Variants in RAP1GAP2 observed in about 807,000 individuals in gnomAD.
RAP1GAP2 encodes RAP1 GTPase activating protein 2.
RAP1GAP2 carries 27 observed loss-of-function variants against 95.0 expected under a neutral mutation model. The observed-to-expected ratio is 0.28, with a 90% confidence interval of 0.21 to 0.39. The LOEUF (loss-of-function observed/expected upper bound fraction) is 0.39. RAP1GAP2 is among the 10% of genes least tolerant of loss of function. The pLI is 1.00. For missense variants in RAP1GAP2, 771 were observed against 970.0 expected (o/e 0.79, Z 2.72); for synonymous variants, 373 against 380.9 (o/e 0.98, Z 0.24).
rs201367299 is a variant in RAP1GAP2, at chr17:2,769,592, AAAAT to A, written c.51-733_51-730del. Among the ~76,000 whole-genome samples, 11 of 151,876 alleles carry A rather than the reference AAAAT, an allele frequency of 7.2e-5. No individual in the cohort carries two copies. In the East Asian group the frequency reaches 2.1e-3, roughly 29 times the overall value. On this transcript the variant is annotated intron_variant, in intron 1 of 25. Transcript: ENST00000637138. ...TAAAATGAAATAACATAAATAAAATAAAATAAAATAAAATAAAAAAGAAAAAATA... is the reference window on the plus strand; with the variant it reads ...TAAAATGAAATAACATAAATAAAATAAAAATAAAATAAAAAAGAAAAAATA...
intron 3 of RAP1GAP2, among the ~76,000 whole-genome samples, chr17:2,909,497 C>A (rs867476411): frequency 1.3e-5 from 2 of 152,082 alleles, no homozygotes; most frequent in East Asian, 3.9e-4. Flanking sequence ...GGGAGTGAGG[C>A]AGGGGTGCTC....
At chr17:2,972,168 G>A (rs1366590694) in intron 8 of RAP1GAP2, among the ~76,000 whole-genome samples, 1 of 152,166 alleles carries the variant, frequency 6.6e-6, no homozygotes, top group African/African-American at 2.4e-5. Context: ...GGTAACTGTG[G>A]AAGAAATTGA....
chr17:2,897,222 A>C (rs12103524), intron 2 of RAP1GAP2, among the ~76,000 whole-genome samples: 26,271 of 151,812 alleles, frequency 0.17, 4,547 homozygotes, highest in African/African-American at 0.45. Context: ...CCTGTAATCC[A>C]AGCTGCTTGG....
At position 2,960,139 on chromosome 17, in the gene RAP1GAP2, A is replaced by AAAAAC. The variant is rs1293694663; in HGVS notation, c.201+2347_201+2348insAACAA. On this transcript the variant is annotated intron_variant, in intron 4 of 24. Transcript: ENST00000254695. ...ACTCCATCTCAAAAAAAAAAAAAAA[A>AAAAAC]AACAACAAAAAAAGACAATACCTCT... Among the ~76,000 whole-genome samples, 30 of 151,488 alleles carry AAAAAC rather than the reference A, an allele frequency of 2.0e-4. No homozygotes were observed. The East Asian group carries it at 5.1e-3, about 26-fold the overall frequency.
rs909583493 is a variant in RAP1GAP2 at position 3,008,621 on chromosome 17, C to T, written c.1494+476C>T. 6.6e-6 allele frequency among the ~76,000 whole-genome samples: 1 copy of T among 152,156 alleles called. No homozygotes were observed. The highest frequency in any genetic ancestry group is 2.4e-5 in the African/African-American group (1 of 41,426). On this transcript the variant is annotated intron_variant, in intron 17 of 24. Coordinates refer to ENST00000254695, the MANE Select transcript of RAP1GAP2 (RefSeq NM_015085.5). This position sits in a 1 kb window ranked among gnomAD's most constrained non-coding sequence, Gnocchi z 4.2. Reference sequence around the variant, plus strand: ...TTGGAAGACCTGGCTGGGCAGGGGCCATGGAACTATAGGCAAGTCCCTTTG... The same window carrying T: ...TTGGAAGACCTGGCTGGGCAGGGGCTATGGAACTATAGGCAAGTCCCTTTG...
At chr17:2,994,798 T>C (rs1338289506) in intron 12 of RAP1GAP2, among the ~76,000 whole-genome samples, 2 of 152,014 alleles carry the variant, frequency 1.3e-5, no homozygotes, top group Non-Finnish European at 2.9e-5. Flanking sequence ...GAGATGGAGG[T>C]TCTGCTTTGT....
chr17:2,963,537 G>A lies in RAP1GAP2; in HGVS notation c.279+75G>A. ...CCGTCCCTGGGGAAATGATGGCGATGGCCTGTGCCCAGCCCCCCAGGGGAG... is the reference window on the plus strand; with the variant it reads ...CCGTCCCTGGGGAAATGATGGCGATAGCCTGTGCCCAGCCCCCCAGGGGAG... On this transcript the variant is annotated intron_variant, in intron 6 of 24. Coordinates refer to ENST00000254695, the MANE Select transcript of RAP1GAP2 (RefSeq NM_015085.5). The surrounding 1 kb of genome is among the most constrained non-coding windows in gnomAD (Gnocchi z 4.8). The A allele has an allele frequency of 6.3e-7, 1 of 1,588,048 alleles. No homozygotes were observed. The highest frequency in any genetic ancestry group is 8.6e-7 in the Non-Finnish European group (1 of 1,156,622).
At chr17:3,014,677 G>A (rs898197320) in intron 17 of RAP1GAP2, among the ~76,000 whole-genome samples, 3 of 151,910 alleles carry the variant, frequency 2.0e-5, no homozygotes, top group African/African-American at 7.3e-5. Context: ...AGCCTGCCGA[G>A]TAGCTGGGAT....
chr17:2,931,811 C>T (rs757369328), intron 3 of RAP1GAP2, among the ~76,000 whole-genome samples: 6 of 152,300 alleles, frequency 3.9e-5, no homozygotes, highest in South Asian at 2.1e-4. Context: ...AGGAGGCTGG[C>T]GCCTTGCTCA....
intron 17 of RAP1GAP2, among the ~76,000 whole-genome samples, chr17:3,017,394 G>C (rs1018181785): frequency 6.6e-6 from 1 of 151,992 alleles, no homozygotes; most frequent in African/African-American, 2.4e-5. Flanking sequence ...ACCAGGGGCC[G>C]TAACAAAGGC....
chr17:2,972,684 C>T lies in RAP1GAP2; in HGVS notation c.596+7041C>T, dbSNP rs889540189. Among the ~76,000 whole-genome samples the T allele has an allele frequency of 4.0e-5, 6 of 149,920 alleles. No individual in the cohort carries two copies. In the East Asian group the frequency reaches 7.8e-4, roughly 20 times the overall value. ...AAAGGGTAGGGGCCAATATTCCTTA[C>T]GAATGTAGAAATCAATGTTGTAAAT... On this transcript the variant is annotated intron_variant, in intron 8 of 24. Transcript: ENST00000254695.
intron 2 of RAP1GAP2, among the ~76,000 whole-genome samples, chr17:2,817,607 G>T (rs2070078243): frequency 8.6e-6 from 1 of 115,688 alleles, no homozygotes; most frequent in Admixed American, 8.4e-5. Context: ...TGCAACCTCC[G>T]CCTCCCTGGT....
rs535509541 is a variant in RAP1GAP2, at chr17:2,869,816, C to T, written c.81-35468C>T. On this transcript the variant is annotated intron_variant, in intron 2 of 24. Transcript: ENST00000254695. ...CTGCAGTCTTGGGCTCATGGCCAGCCGTCAGCCAGCACCCTGTGGCGCTCT... is the reference window on the plus strand; with the variant it reads ...CTGCAGTCTTGGGCTCATGGCCAGCTGTCAGCCAGCACCCTGTGGCGCTCT... Among the ~76,000 whole-genome samples, 133 of 152,322 alleles carry T rather than the reference C, an allele frequency of 8.7e-4. 1 individual carries two copies. Among genetic ancestry groups the T allele is most frequent in the African/African-American group, 2.9e-3 (122 of 41,576 alleles).
Position 2,846,298 on chromosome 17 carries a change from T to C in RAP1GAP2, c.80+45748T>C, listed in dbSNP as rs1007841029. Among the ~76,000 whole-genome samples, 7 of 152,228 alleles carry C rather than the reference T, an allele frequency of 4.6e-5. No homozygotes were observed. In the East Asian group the frequency reaches 9.6e-4, roughly 21 times the overall value. On this transcript the variant is annotated intron_variant, in intron 2 of 24. Transcript: ENST00000254695. ...TTGCTTTTGAGGTGCTTCCTTGTTG[T>C]TGCATGTGTCCATGTTTTGTTCCCC...
At chr17:3,018,992 G>A (rs1275187284) in intron 18 of RAP1GAP2, among the ~76,000 whole-genome samples, 4 of 152,182 alleles carry the variant, frequency 2.6e-5, no homozygotes, top group Non-Finnish European at 5.9e-5. Context: ...AACCTGGGAG[G>A]TGGAACTTGC....
chr17:2,904,332 C>T lies in RAP1GAP2; in HGVS notation c.81-952C>T, dbSNP rs1465813751. Among the ~76,000 whole-genome samples the T allele has an allele frequency of 6.6e-6, 1 of 152,118 alleles. No homozygotes were observed. The highest frequency in any genetic ancestry group is 1.5e-5 in the Non-Finnish European group (1 of 68,022). On this transcript the variant is annotated intron_variant, in intron 2 of 24. Coordinates refer to ENST00000254695, the MANE Select transcript of RAP1GAP2 (RefSeq NM_015085.5). This position sits in a 1 kb window ranked among gnomAD's most constrained non-coding sequence, Gnocchi z 4.7. ...TGGTGATGGGACCGCACACAGCACT[C>T]CCCGGTCACCAGCGAGGGCCAGATG...
Position 2,904,193 on chromosome 17 carries a change from A to C in RAP1GAP2, c.81-1091A>C, listed in dbSNP as rs562758828. Among the ~76,000 whole-genome samples the C allele has an allele frequency of 6.6e-6, 1 of 152,202 alleles. No individual in the cohort carries two copies. The highest frequency in any genetic ancestry group is 2.1e-4 in the South Asian group (1 of 4,830). ...CCCTCGTCCCCTCCTGGGTACAGCCAGAGCTTGTTCAGGACACTGGAGTCC... is the reference window on the plus strand; with the variant it reads ...CCCTCGTCCCCTCCTGGGTACAGCCCGAGCTTGTTCAGGACACTGGAGTCC... On this transcript the variant is annotated intron_variant, in intron 2 of 24. Coordinates refer to ENST00000254695, the MANE Select transcript of RAP1GAP2 (RefSeq NM_015085.5). This position sits in a 1 kb window ranked among gnomAD's most constrained non-coding sequence, Gnocchi z 4.7.
At chr17:2,826,722 T>A in intron 2 of RAP1GAP2, among the ~76,000 whole-genome samples, 1 of 152,028 alleles carries the variant, frequency 6.6e-6, no homozygotes, top group Non-Finnish European at 1.5e-5. Context: ...AAAGGAGGAT[T>A]TCCGGCCGGG....
At position 2,811,077 on chromosome 17, in the gene RAP1GAP2, C is replaced by T. The variant is rs1018598222; in HGVS notation, c.80+10527C>T. On this transcript the variant is annotated intron_variant, in intron 2 of 24. Coordinates refer to ENST00000254695, the MANE Select transcript of RAP1GAP2 (RefSeq NM_015085.5). ...CCCCCATTCAACAAGGTTCACCCCTCTTTCCACTAAGAGCCCTGCAGACAC... is the reference window on the plus strand; with the variant it reads ...CCCCCATTCAACAAGGTTCACCCCTTTTTCCACTAAGAGCCCTGCAGACAC... Among the ~76,000 whole-genome samples, 14 of 152,286 alleles carry T rather than the reference C, an allele frequency of 9.2e-5. 2 individuals are homozygous for T. In the South Asian group the frequency reaches 2.5e-3, roughly 27 times the overall value.
Sources: allele counts gnomAD v4.1 joint callset (sites outside exome capture counted in the v4.1 genomes callset), GRCh38; gene constraint gnomAD v4.1.1; non-coding constraint Gnocchi (gnomAD v3.1); transcripts MANE v1.5; gene names NCBI Gene and HGNC (gene_info 2026-07-23, HGNC 2026-07-21).